The following DDX10 variants were observed in gnomAD, a reference collection of about 807,000 sequenced individuals.
DDX10 encodes the protein DEAD-box helicase 10, also known as probable ATP-dependent RNA helicase DDX10.
Under a neutral mutation model 104.3 loss-of-function variants are expected in DDX10, and 74 were observed. The observed-to-expected ratio is 0.71, with a 90% CI of 0.59 to 0.86. The LOEUF (loss-of-function observed/expected upper bound fraction) is 0.86, where lower values mean the gene tolerates loss of function less well. Among genes scored for constraint, DDX10 ranks in the 40% least tolerant of loss-of-function variants. The pLI is 0.00. For synonymous variants in DDX10, 351 were observed against 353.4 expected, an observed-to-expected ratio of 0.99 and a Z score of 0.08; for missense variants, 952 against 1,040.0, an observed-to-expected ratio of 0.92 and a Z score of 1.16.
At chr11:108,719,194 A>T (rs79802069) in intron 11 of DDX10, among the ~76,000 whole-genome samples, 1 of 151,600 alleles carries the variant, frequency 6.6e-6, no homozygotes, top group Admixed American at 6.6e-5. Context: ...CTTTAGCAAT[A>T]AAGTTTTTCC....
At chr11:108,839,445 T>G (rs1862606361) in intron 14 of DDX10, among the ~76,000 whole-genome samples, 1 of 152,230 alleles carries the variant, frequency 6.6e-6, no homozygotes, top group Non-Finnish European at 1.5e-5. Flanking sequence ...TTGTTGATTT[T>G]GTTTACTATT....
chr11:108,900,721 C>T (rs1863506490), intron 16 of DDX10, among the ~76,000 whole-genome samples: 1 of 152,154 alleles, frequency 6.6e-6, no homozygotes, highest in South Asian at 2.1e-4. Context: ...CCAAGTTTGC[C>T]CCATACAGTC....
intron 13 of DDX10, among the ~76,000 whole-genome samples, chr11:108,787,314 A>G (rs1002676436): frequency 6.6e-6 from 1 of 151,834 alleles, no homozygotes; most frequent in Non-Finnish European, 1.5e-5. Context: ...TCTGATGACT[A>G]TGTGCCTTGG....
intron 16 of DDX10, among the ~76,000 whole-genome samples, chr11:108,907,646 A>C (rs540428079): frequency 2.6e-4 from 40 of 152,242 alleles, no homozygotes; most frequent in Non-Finnish European, 4.7e-4. Flanking sequence ...TGCTGTGTCA[A>C]TTGTATATAT....
intron 8 of DDX10, 81 bp downstream of exon 8, chr11:108,692,119 T>C: frequency 7.7e-7 from 1 of 1,304,470 alleles, no homozygotes; most frequent in Non-Finnish European, 1.0e-6. Flanking sequence ...GGAAATCTGA[T>C]AGACTCAAAC....
chr11:108,676,838 A>G (rs1479095952), intron 3 of DDX10, among the ~76,000 whole-genome samples: 2 of 152,142 alleles, frequency 1.3e-5, no homozygotes, highest in African/African-American at 4.8e-5. Context: ...ACTGATAGCC[A>G]GTTTCCTGAT....
chr11:108,722,458 C>A (rs182471517), intron 12 of DDX10, among the ~76,000 whole-genome samples: 28 of 152,234 alleles, frequency 1.8e-4, no homozygotes, highest in Admixed American at 1.6e-3. Flanking sequence ...ATTTTTATAG[C>A]AATGATTGTG....
At chr11:108,863,056 A>G (rs1171117998) in intron 16 of DDX10, among the ~76,000 whole-genome samples, 1 of 152,176 alleles carries the variant, frequency 6.6e-6, no homozygotes. Context: ...CATTCTTACC[A>G]TAGATTCTGG....
chr11:108,882,116 TGG>T (rs1334470912), intron 16 of DDX10, among the ~76,000 whole-genome samples: 1 of 152,232 alleles, frequency 6.6e-6, no homozygotes, highest in South Asian at 2.1e-4. Context: ...TTATGAACTG[TGG>T]GGAAAAAAGA....
At chr11:108,907,010 AAATG>A (rs1426103101) in intron 16 of DDX10, among the ~76,000 whole-genome samples, 3 of 152,216 alleles carry the variant, frequency 2.0e-5, no homozygotes, top group African/African-American at 7.2e-5. Flanking sequence ...AACAGTTGTT[AAATG>A]AATATTCCAA....
rs1862634905 is a variant in DDX10 at position 108,841,340 on chromosome 11, A to G, written c.2111A>G (p.Gln704Arg). ...TTGGTTCAGCAGTGGCCACAAATGCAGAAATCTGCCATCAAGGATGCTGAG... is the reference window on the plus strand; with the variant it reads ...TTGGTTCAGCAGTGGCCACAAATGCGGAAATCTGCCATCAAGGATGCTGAG... ...GELVQQWPQM[Q>R]KSAIKDAEED... The change falls in exon 15 of 18, where the codon CAG (glutamine) becomes CGG (arginine). Residue 704 changes from glutamine (Q) to arginine (R), a missense_variant. Physicochemically the swap from Gln to Arg is conservative, Grantham distance 43. This residue lies in a region of DDX10 where 533 missense variants were observed against 534.1 expected (regional missense o/e 1.00). Coordinates refer to ENST00000322536, the MANE Select transcript of DDX10 (RefSeq NM_004398.4). 1.9e-6 allele frequency: 3 copies of G among 1,613,234 alleles called. No homozygotes were observed. The highest frequency in any genetic ancestry group is 2.5e-6 in the Non-Finnish European group (3 of 1,179,836).
At chr11:108,689,320 A>C (rs541093824) in intron 7 of DDX10, among the ~76,000 whole-genome samples, 2 of 152,326 alleles carry the variant, frequency 1.3e-5, no homozygotes, top group Non-Finnish European at 2.9e-5. Context: ...AGTAGAATGA[A>C]TAATTGTTAT....
At chr11:108,758,507 G>C (rs1396865601) in intron 13 of DDX10, among the ~76,000 whole-genome samples, 2 of 152,068 alleles carry the variant, frequency 1.3e-5, no homozygotes, top group Non-Finnish European at 2.9e-5. Context: ...AGTTATCTTA[G>C]AGTTCTGTAG....
At chr11:108,858,892 C>T (rs902978489) in intron 16 of DDX10, among the ~76,000 whole-genome samples, 3 of 152,132 alleles carry the variant, frequency 2.0e-5, no homozygotes, top group African/African-American at 7.2e-5. Flanking sequence ...CCTTGCCTGT[C>T]AGCTTTGGAA....
intron 17 of DDX10, among the ~76,000 whole-genome samples, chr11:108,935,347 A>G (rs1303003571): frequency 6.6e-6 from 1 of 152,184 alleles, no homozygotes; most frequent in East Asian, 1.9e-4. Flanking sequence ...AGGGGGGCTA[A>G]TGCAGAACAG....
intron 6 of DDX10, 144 bp from the exon 7 acceptor site, chr11:108,688,792 G>C: frequency 4.1e-6 from 3 of 740,614 alleles, no homozygotes; most frequent in East Asian, 2.7e-5. Context: ...AGGGACAATA[G>C]AGAAAAATTC....
chr11:108,820,052 T>C (rs1407969493), intron 13 of DDX10, among the ~76,000 whole-genome samples: 1 of 152,224 alleles, frequency 6.6e-6, no homozygotes, highest in African/African-American at 2.4e-5. Context: ...AGATAAATTT[T>C]GATGTTTGAT....
intron 3 of DDX10, 117 bp downstream of exon 3, chr11:108,675,843 G>A (rs1591787903): frequency 7.5e-7 from 1 of 1,331,046 alleles, no homozygotes; most frequent in Middle Eastern, 2.6e-4. Flanking sequence ...AGATTGGCTA[G>A]AATGCGAGCT....
chr11:108,829,188 A>G (rs1426825313), intron 13 of DDX10, among the ~76,000 whole-genome samples: 1 of 152,188 alleles, frequency 6.6e-6, no homozygotes, highest in Non-Finnish European at 1.5e-5. Flanking sequence ...TGTTTTCTGT[A>G]GTGGTTGTAC....
Sources: gnomAD v4.1 joint callset for allele counts (sites outside exome capture counted in the v4.1 genomes callset) on GRCh38, gnomAD v4.1.1 for gene constraint, gnomAD v4.1.1 regional missense constraint, MANE v1.5 for transcripts, NCBI Gene and HGNC (gene_info 2026-07-23, HGNC 2026-07-21) for gene names.